The following LRRC40 variants were observed in gnomAD, a reference collection of about 807,000 sequenced individuals.
The protein encoded by LRRC40 is leucine-rich repeat-containing protein 40.
A neutral mutation model predicts 72.8 loss-of-function variants in LRRC40; 76 were observed. The observed-to-expected ratio is 1.04, with a 90% CI of 0.87 to 1.26. The LOEUF is 1.26. Ranked by LOEUF, LRRC40 falls within the 50% of genes most tolerant of loss-of-function variation. LRRC40 has a pLI of 0.00. For missense variants in LRRC40, 684 were observed against 698.9 expected, an observed-to-expected ratio of 0.98 and a Z score of 0.24; for synonymous variants, 243 against 254.2, an observed-to-expected ratio of 0.96 and a Z score of 0.42.
At chr1:70,196,322 G>A (rs1399189791) in intron 1 of LRRC40, among the ~76,000 whole-genome samples, 6 of 152,148 alleles carry the variant, frequency 3.9e-5, no homozygotes, top group Admixed American at 3.9e-4. Flanking sequence ...GACCATAGCA[G>A]GAGGATCATT....
At chr1:70,162,143 T>TA (rs1340683596) in intron 9 of LRRC40, among the ~76,000 whole-genome samples, 1 of 152,198 alleles carries the variant, frequency 6.6e-6, no homozygotes, top group Non-Finnish European at 1.5e-5. Context: ...GTATTACTCT[T>TA]AAAATGAGAG....
intron 1 of LRRC40, among the ~76,000 whole-genome samples, chr1:70,195,455 A>G (rs1668586997): frequency 1.3e-5 from 2 of 152,138 alleles, no homozygotes; most frequent in Non-Finnish European, 2.9e-5. Flanking sequence ...GATGCTAAAC[A>G]TCATTAGTTT....
intron 1 of LRRC40, among the ~76,000 whole-genome samples, chr1:70,190,032 C>T (rs1354890216): frequency 6.6e-6 from 1 of 152,156 alleles, no homozygotes; most frequent in Non-Finnish European, 1.5e-5. Flanking sequence ...AGTGATGACA[C>T]CTGTATAGAA....
chr1:70,180,185 G>A lies in LRRC40; in HGVS notation c.661+901C>T, dbSNP rs534414652. 15 of 152,234 alleles carry A rather than the reference G, an allele frequency of 9.9e-5. No homozygotes were observed. The East Asian group carries it at 2.7e-3, about 27-fold the overall frequency. The allele number at this position is 152,234 out of a possible 1,614,324, so 9.4% of individuals were successfully genotyped here. A position where few individuals can be genotyped will look rare whatever the true frequency, so the allele number is the denominator to read the frequency against. ...TATGTTGCCCAGGCTTCAGTGTAGT[G>A]GATATTCAAAGGGGCAATCCCACTA... On this transcript the variant is annotated intron_variant, in intron 5 of 14. Coordinates refer to ENST00000370952, the MANE Select transcript of LRRC40 (RefSeq NM_017768.5).
intron 10 of LRRC40, among the ~76,000 whole-genome samples, chr1:70,157,233 C>T (rs1667657447): frequency 6.6e-6 from 1 of 152,200 alleles, no homozygotes; most frequent in South Asian, 2.1e-4. Context: ...ATCCCATTTT[C>T]TTCTGTGTAG....
chr1:70,184,787 A>T lies in LRRC40; in HGVS notation c.535T>A (p.Leu179Ile). ...AAAATTGGAAAATCAGAACTTACTAAATCTTCTAAATTGGAAAGTTGTTCA... is the reference window on the plus strand; with the variant it reads ...AAAATTGGAAAATCAGAACTTACTATATCTTCTAAATTGGAAAGTTGTTCA... Reference protein sequence around the residue: ...GFEQLSNLEDLDLSNNHLTTV... With the variant: ...GFEQLSNLEDIDLSNNHLTTV... The change falls in exon 4 of 15, where the codon TTA (leucine) becomes ATA (isoleucine). Residue 179 changes from leucine (L) to isoleucine (I), a missense_variant and splice_region_variant. Leu to Ile is a conservative substitution (Grantham distance 5). Transcript: ENST00000370952. 6.3e-7 allele frequency: 1 copy of T among 1,599,252 alleles called. No homozygotes were observed. The highest frequency in any genetic ancestry group is 1.1e-5 in the South Asian group (1 of 87,358).
chr1:70,189,283 T>G lies in LRRC40; in HGVS notation c.152-10A>C. On this transcript the variant is annotated splice_polypyrimidine_tract_variant and intron_variant, in intron 1 of 14. Transcript: ENST00000370952. ...CAGACACACTGCGGCACTAGTTCCA[T>G]CAGCACCACACCAGGAAAAAAAAAA... is the stretch of plus-strand genomic sequence containing the variant. 8.5e-7 allele frequency: 1 copy of G among 1,176,122 alleles called. No individual in the cohort carries two copies. Among genetic ancestry groups the G allele is most frequent in the Non-Finnish European group, 1.2e-6 (1 of 858,000 alleles). 72.9% of individuals were successfully genotyped at this position (1,176,122 alleles called of 1,614,324 possible).
At chr1:70,166,300 G>A (rs1240668132) in intron 9 of LRRC40, among the ~76,000 whole-genome samples, 1 of 152,146 alleles carries the variant, frequency 6.6e-6, no homozygotes, top group East Asian at 1.9e-4. Context: ...AGGGAGAGAA[G>A]GAAGAGTGGT....
At chr1:70,178,636 A>G (rs1469838846) in intron 6 of LRRC40, among the ~76,000 whole-genome samples, 1 of 152,050 alleles carries the variant, frequency 6.6e-6, no homozygotes, top group Non-Finnish European at 1.5e-5. Context: ...ACAAATCTCT[A>G]TTTTTTAAAT....
At chr1:70,183,730 C>T (rs1045098016) in intron 4 of LRRC40, among the ~76,000 whole-genome samples, 2 of 151,812 alleles carry the variant, frequency 1.3e-5, no homozygotes, top group Non-Finnish European at 2.9e-5. Flanking sequence ...TTTTTGTATT[C>T]TTTGTAGAGA....
At chr1:70,199,891 C>G (rs1668699292) in intron 1 of LRRC40, among the ~76,000 whole-genome samples, 1 of 151,936 alleles carries the variant, frequency 6.6e-6, no homozygotes, top group Non-Finnish European at 1.5e-5. Flanking sequence ...AAAGAGTAAC[C>G]AGGTTTCAGT....
At chr1:70,167,079 T>C (rs1472338309) in intron 9 of LRRC40, among the ~76,000 whole-genome samples, 1 of 152,166 alleles carries the variant, frequency 6.6e-6, no homozygotes, top group African/African-American at 2.4e-5. Context: ...CAATTATTGC[T>C]TATTGTGGCA....
chr1:70,164,909 T>A (rs760499196), intron 9 of LRRC40, among the ~76,000 whole-genome samples: 2 of 152,196 alleles, frequency 1.3e-5, no homozygotes, highest in Admixed American at 1.3e-4. Flanking sequence ...TAAATAACTA[T>A]CAGGATTATT....
chr1:70,201,554 A>T (rs545638037), intron 1 of LRRC40, among the ~76,000 whole-genome samples: 1 of 152,356 alleles, frequency 6.6e-6, no homozygotes, highest in African/African-American at 2.4e-5. Flanking sequence ...AACGAGCCCA[A>T]TGAAAAAACG....
chr1:70,149,388 C>G (rs1667406420), intron 13 of LRRC40, among the ~76,000 whole-genome samples: 1 of 152,086 alleles, frequency 6.6e-6, no homozygotes. Flanking sequence ...TGAAAAAAAG[C>G]AATAGTGAAG....
chr1:70,150,869 A>G, intron 13 of LRRC40, among the ~76,000 whole-genome samples: 1 of 152,252 alleles, frequency 6.6e-6, no homozygotes, highest in South Asian at 2.1e-4. Context: ...CCATTAGAGC[A>G]ATTGTAATTA....
chr1:70,174,467 T>C (rs1668060807), intron 7 of LRRC40, among the ~76,000 whole-genome samples: 1 of 152,046 alleles, frequency 6.6e-6, no homozygotes, highest in African/African-American at 2.4e-5. Context: ...ATGAAAATAA[T>C]GTCCACACAG....
At chr1:70,166,948 A>G (rs1010895178) in intron 9 of LRRC40, among the ~76,000 whole-genome samples, 1 of 152,120 alleles carries the variant, frequency 6.6e-6, no homozygotes, top group Non-Finnish European at 1.5e-5. Context: ...AGAAACAGGG[A>G]AAGAGACAAC....
chr1:70,184,728 C>A, intron 4 of LRRC40, 57 bp downstream of exon 4: 1 of 1,491,802 alleles, frequency 6.7e-7, no homozygotes, highest in Non-Finnish European at 9.0e-7. Flanking sequence ...ATTTCTCAGC[C>A]TGATGAAAAA....
Sources: allele counts gnomAD v4.1 joint callset (sites outside exome capture counted in the v4.1 genomes callset), GRCh38; gene constraint gnomAD v4.1.1; transcripts MANE v1.5; gene names NCBI Gene and HGNC (gene_info 2026-07-23, HGNC 2026-07-21).